Variants in PHACTR2 observed in about 807,000 individuals in gnomAD.
PHACTR2 encodes the protein chromosome 6 open reading frame 56.
PHACTR2 carries 30 observed loss-of-function variants against 76.0 expected under a neutral mutation model. The ratio of observed to expected loss-of-function variants is 0.39; its 90% confidence interval spans 0.30 to 0.54. The LOEUF (loss-of-function observed/expected upper bound fraction) is 0.54. Ranked by LOEUF, PHACTR2 falls within the 20% of genes least tolerant of loss-of-function variation. PHACTR2 has a pLI of 0.61. For synonymous variants in PHACTR2, 292 were observed against 292.5 expected, an observed-to-expected ratio of 1.00 and a Z score of 0.02; for missense variants, 696 against 781.1, an observed-to-expected ratio of 0.89 and a Z score of 1.30.
chr6:143,792,343 A>T (rs910456871), intron 11 of PHACTR2, among the ~76,000 whole-genome samples: 1 of 151,728 alleles, frequency 6.6e-6, no homozygotes. Context: ...TAGTCAAGGC[A>T]TCTGGTATGC....
rs1416356996 is a variant in PHACTR2 at position 143,825,635 on chromosome 6, C to T, written c.*1946C>T. The T allele has an allele frequency of 2.0e-5, 3 of 151,872 alleles. No individual in the cohort carries two copies. The highest frequency in any genetic ancestry group is 4.4e-5 in the Non-Finnish European group (3 of 67,936). The allele number at this position is 151,872 out of a possible 1,614,324, so 9.4% of individuals were successfully genotyped here. On this transcript the variant is annotated 3_prime_UTR_variant, in exon 13 of 13. Transcript: ENST00000440869. The surrounding 1 kb of genome is among the most constrained non-coding windows in gnomAD (Gnocchi z 4.1). ...CTTGTGATTTTTTTTTTCCCAAAGTCATGCTTTTCCTTAATTATATTTTTA... is the reference window on the plus strand; with the variant it reads ...CTTGTGATTTTTTTTTTCCCAAAGTTATGCTTTTCCTTAATTATATTTTTA...
chr6:143,718,528 T>C (rs1301786079), intron 2 of PHACTR2, among the ~76,000 whole-genome samples: 3 of 152,230 alleles, frequency 2.0e-5, no homozygotes, highest in Non-Finnish European at 4.4e-5. Flanking sequence ...GAAAGGTGGC[T>C]CTAATATATG....
intron 1 of PHACTR2, among the ~76,000 whole-genome samples, chr6:143,628,760 G>C (rs1052750217): frequency 6.6e-6 from 1 of 151,760 alleles, no homozygotes; most frequent in Non-Finnish European, 1.5e-5. Context: ...GGCTGAAGGT[G>C]GGGGAAGAGG....
At chr6:143,603,868 G>T (rs572722616), upstream of PHACTR2, among the ~76,000 whole-genome samples, 1 of 152,250 alleles carries the variant, frequency 6.6e-6, no homozygotes, top group Admixed American at 6.5e-5. Flanking sequence ...AGAGACCGAG[G>T]TGGGTGGATC....
chr6:143,711,828 G>A (rs985184193), intron 1 of PHACTR2, 188 bp from the exon 2 acceptor site: 4 of 749,614 alleles, frequency 5.3e-6, no homozygotes, highest in Admixed American at 1.7e-5. Context: ...TAAGTGGGCT[G>A]TAATTTCTGA....
Position 143,753,854 on chromosome 6 carries a change from T to C in PHACTR2, c.396T>C (p.Gly132=). 6.2e-7 allele frequency: 1 copy of C among 1,613,228 alleles called. No individual in the cohort carries two copies. Among genetic ancestry groups the C allele is most frequent in the Non-Finnish European group, 8.5e-7 (1 of 1,179,482 alleles). The change falls in exon 4 of 13, where the codon GGT becomes GGC. Residue 132 remains glycine (G), a synonymous_variant. Coordinates refer to ENST00000440869, the MANE Select transcript of PHACTR2 (RefSeq NM_001100164.2). The surrounding 1 kb of genome is among the most constrained non-coding windows in gnomAD (Gnocchi z 4.6). The part of the protein sequence containing the change: ...REENVVKSEE[G]NGSVSEKTPP... ...AAAATGTAGTAAAGTCTGAAGAAGG[T>C]AATGGCTCTGTATCTGAAAAAACAC...
Position 143,562,030 on chromosome 6 carries a change from T to G in PHACTR2, c.217+24823T>G, listed in dbSNP as rs1250099162. The G allele has an allele frequency of 6.6e-6, 1 of 152,140 alleles. No homozygotes were observed. Among genetic ancestry groups the G allele is most frequent in the Non-Finnish European group, 1.5e-5 (1 of 68,040 alleles). 9.4% of individuals were successfully genotyped at this position (152,140 alleles called of 1,614,324 possible). Reference sequence around the variant, plus strand: ...GTCTCTTCTTCATCTGACGCAGAGCTTCTGCTCATTCTTCAAAACCCTAGT... The same window carrying G: ...GTCTCTTCTTCATCTGACGCAGAGCGTCTGCTCATTCTTCAAAACCCTAGT... On this transcript the variant is annotated intron_variant, in intron 1 of 11. Transcript: ENST00000367584. This position sits in a 1 kb window ranked among gnomAD's most constrained non-coding sequence, Gnocchi z 5.1.
At chr6:143,579,195 T>C (rs34703787) in intron 1 of PHACTR2, among the ~76,000 whole-genome samples, 43,099 of 152,154 alleles carry the variant, frequency 0.28, 6,115 homozygotes, top group Middle Eastern at 0.41. Flanking sequence ...TGAGCCACTG[T>C]GACCTGCTCC....
chr6:143,823,579 C>A lies in PHACTR2; in HGVS notation c.1923-95C>A. 1 of 862,720 alleles carries A rather than the reference C, an allele frequency of 1.2e-6. No homozygotes were observed. Among genetic ancestry groups the A allele is most frequent in the Non-Finnish European group, 1.9e-6 (1 of 516,156 alleles). 53.4% of individuals were successfully genotyped at this position (862,720 alleles called of 1,614,324 possible). On this transcript the variant is annotated intron_variant, in intron 12 of 12. Coordinates refer to ENST00000440869, the MANE Select transcript of PHACTR2 (RefSeq NM_001100164.2). This position sits in a 1 kb window ranked among gnomAD's most constrained non-coding sequence, Gnocchi z 5.7. ...TTCAGTTGGGGGATATCTGGGGTAC[C>A]TTTTCATTGTAAACATGACCACGCC... is the stretch of plus-strand genomic sequence containing the variant.
chr6:143,801,114 G>A lies in PHACTR2; in HGVS notation c.1846-5943G>A, dbSNP rs1004784501. 6.6e-6 allele frequency among the ~76,000 whole-genome samples: 1 copy of A among 152,104 alleles called. No individual in the cohort carries two copies. The highest frequency in any genetic ancestry group is 6.5e-5 in the Admixed American group (1 of 15,272). On this transcript the variant is annotated intron_variant, in intron 11 of 12. Transcript: ENST00000440869. This position sits in a 1 kb window ranked among gnomAD's most constrained non-coding sequence, Gnocchi z 4.6. ...TGTGGTTAACCCAACCTTTCTCTCTGGCTGCCCTTAACATTTTTTCCTCCA... is the reference window on the plus strand; with the variant it reads ...TGTGGTTAACCCAACCTTTCTCTCTAGCTGCCCTTAACATTTTTTCCTCCA...
chr6:143,628,534 C>G lies in PHACTR2; in HGVS notation c.13+20212C>G, dbSNP rs1008034015. On this transcript the variant is annotated intron_variant, in intron 1 of 11. Transcript: ENST00000305766. ...AGTAGCATCTTCTCATCTCAGACCT[C>G]TGCTCCTGTCTTTGCACCTTCTCCC... Among the ~76,000 whole-genome samples, 4 of 152,164 alleles carry G rather than the reference C, an allele frequency of 2.6e-5. No individual in the cohort carries two copies. In the South Asian group the frequency reaches 8.3e-4, roughly 32 times the overall value.
Position 143,789,976 on chromosome 6 carries a change from T to C in PHACTR2, c.1845+1066T>C, listed in dbSNP as rs1446132464. ...GCAGCAGAAGAATATTGAGAAGAAATGTCCGTGAAGTGGGGAAAGAGGAGA... is the reference window on the plus strand; with the variant it reads ...GCAGCAGAAGAATATTGAGAAGAAACGTCCGTGAAGTGGGGAAAGAGGAGA... On this transcript the variant is annotated intron_variant, in intron 11 of 12. Coordinates refer to ENST00000440869, the MANE Select transcript of PHACTR2 (RefSeq NM_001100164.2). The surrounding 1 kb of genome is among the most constrained non-coding windows in gnomAD (Gnocchi z 5.1). Among the ~76,000 whole-genome samples the C allele has an allele frequency of 6.6e-6, 1 of 152,104 alleles. No individual in the cohort carries two copies.
rs188636321 is a variant in PHACTR2 at position 143,619,354 on chromosome 6, C to T, written c.13+11032C>T. 4.6e-5 allele frequency among the ~76,000 whole-genome samples: 7 copies of T among 152,294 alleles called. No individual in the cohort carries two copies. In the East Asian group the frequency reaches 5.8e-4, roughly 13 times the overall value. Reference sequence around the variant, plus strand: ...TCTACGCCCTGGTGAGACCCATTATCGGTCTAAGAAACATATAATGAAGCC... The same window carrying T: ...TCTACGCCCTGGTGAGACCCATTATTGGTCTAAGAAACATATAATGAAGCC... On this transcript the variant is annotated intron_variant, in intron 1 of 11. Coordinates refer to the PHACTR2 transcript ENST00000305766. This position sits in a 1 kb window ranked among gnomAD's most constrained non-coding sequence, Gnocchi z 4.5.
chr6:143,821,382 T>A lies in PHACTR2; in HGVS notation c.1923-2292T>A, dbSNP rs1308635949. 1.3e-5 allele frequency among the ~76,000 whole-genome samples: 2 copies of A among 152,264 alleles called. No individual in the cohort carries two copies. The highest frequency in any genetic ancestry group is 6.5e-5 in the Admixed American group (1 of 15,288). On this transcript the variant is annotated intron_variant, in intron 12 of 12. Transcript: ENST00000440869. The surrounding 1 kb of genome is among the most constrained non-coding windows in gnomAD (Gnocchi z 5.2). ...TGGCCCATCTCATTTCACCTGCTCT[T>A]ATTTTTTAGTTTTTCATTTTGTAAT... is the stretch of plus-strand genomic sequence containing the variant.
chr6:143,697,424 C>T lies in PHACTR2; in HGVS notation c.47-14592C>T, dbSNP rs1755115226. Among the ~76,000 whole-genome samples, 1 of 152,214 alleles carries T rather than the reference C, an allele frequency of 6.6e-6. No homozygotes were observed. Among genetic ancestry groups the T allele is most frequent in the South Asian group, 2.1e-4 (1 of 4,832 alleles). ...GAAGAAATTAATTTTCACCACTCAT[C>T]ACCGGGTGAAAATAGAAACTTCTTA... On this transcript the variant is annotated intron_variant, in intron 1 of 12. Coordinates refer to ENST00000440869, the MANE Select transcript of PHACTR2 (RefSeq NM_001100164.2). The surrounding 1 kb of genome is among the most constrained non-coding windows in gnomAD (Gnocchi z 4.4).
At chr6:143,564,526 G>A (rs975657531) in intron 1 of PHACTR2, among the ~76,000 whole-genome samples, 5 of 151,994 alleles carry the variant, frequency 3.3e-5, no homozygotes, top group African/African-American at 1.2e-4. Context: ...GCACATTTAT[G>A]GGAATTCATT....
At chr6:143,705,660 C>T (rs1158277615) in intron 1 of PHACTR2, among the ~76,000 whole-genome samples, 1 of 152,162 alleles carries the variant, frequency 6.6e-6, no homozygotes, top group Non-Finnish European at 1.5e-5. Context: ...TTTAGTTTTG[C>T]CTGATGTTTC....
In PHACTR2 at chr6:143,806,616, G is replaced by C. The variant is rs1776072239; in HGVS notation, c.1846-441G>C. On this transcript the variant is annotated intron_variant, in intron 11 of 12. Transcript: ENST00000440869. This position sits in a 1 kb window ranked among gnomAD's most constrained non-coding sequence, Gnocchi z 5.8. ...TGGCACTTGAAGGAAGTCTATCATG[G>C]TTTTAGTTTGGCTATAGTATGATAT... 6.6e-6 allele frequency among the ~76,000 whole-genome samples: 1 copy of C among 152,124 alleles called. No homozygotes were observed. Among genetic ancestry groups the C allele is most frequent in the South Asian group, 2.1e-4 (1 of 4,822 alleles).
At chr6:143,752,817 C>A (rs1779214717) in intron 3 of PHACTR2, among the ~76,000 whole-genome samples, 1 of 152,112 alleles carries the variant, frequency 6.6e-6, no homozygotes, top group South Asian at 2.1e-4. Context: ...CTCAAACCTT[C>A]CATTTGTTAA....
Sources: gnomAD v4.1 joint callset for allele counts (sites outside exome capture counted in the v4.1 genomes callset) on GRCh38, gnomAD v4.1.1 for gene constraint, Gnocchi (gnomAD v3.1) non-coding constraint, MANE v1.5 for transcripts, NCBI Gene and HGNC (gene_info 2026-07-23, HGNC 2026-07-21) for gene names.